The following CADPS2 variants were observed in gnomAD, a reference collection of about 807,000 sequenced individuals.
CADPS2 encodes the protein calcium-dependent secretion activator 2.
In CADPS2, 93 loss-of-function variants were observed where a neutral mutation model predicts 172.5. That is an observed-to-expected ratio of 0.54 (90% CI 0.46 to 0.64). The LOEUF (loss-of-function observed/expected upper bound fraction) is 0.64, where lower values mean the gene tolerates loss of function less well. Among genes scored for constraint, CADPS2 ranks in the 30% least tolerant of loss-of-function variants. The pLI is 0.00. For missense variants in CADPS2, 1,420 were observed against 1,565.9 expected, an observed-to-expected ratio of 0.91 and a Z score of 1.57; for synonymous variants, 546 against 555.2, an observed-to-expected ratio of 0.98 and a Z score of 0.23.
At chr7:122,858,316 A>T (rs1815906889) in intron 1 of CADPS2, among the ~76,000 whole-genome samples, 1 of 152,070 alleles carries the variant, frequency 6.6e-6, no homozygotes, top group Non-Finnish European at 1.5e-5. Context: ...ATACCCACAA[A>T]CTCTCGAATT....
chr7:122,635,493 T>C (rs1462934391), intron 3 of CADPS2, among the ~76,000 whole-genome samples: 4 of 146,756 alleles, frequency 2.7e-5, no homozygotes, highest in Admixed American at 6.8e-5. Context: ...CGTGTTCTCA[T>C]TGTTCAATTC....
chr7:122,626,187 T>C (rs775369039), intron 4 of CADPS2, among the ~76,000 whole-genome samples: 1 of 152,106 alleles, frequency 6.6e-6, no homozygotes, highest in Non-Finnish European at 1.5e-5. Flanking sequence ...TTTTCTTTTT[T>C]TCTCAGCAAC....
chr7:122,725,780 A>G (rs1479804237), intron 2 of CADPS2, among the ~76,000 whole-genome samples: 1 of 151,776 alleles, frequency 6.6e-6, no homozygotes, highest in Admixed American at 6.6e-5. Flanking sequence ...GGATACAGAG[A>G]GACACCATGG....
intron 3 of CADPS2, among the ~76,000 whole-genome samples, chr7:122,645,302 T>TATGTACATATATACACAC (rs1563946675): frequency 7.8e-6 from 1 of 128,098 alleles, no homozygotes; most frequent in African/African-American, 2.9e-5. Flanking sequence ...TATATACACA[T>TATGTACATATATACACAC]ATGTACATGT....
chr7:122,548,030 G>A (rs2063801745), intron 8 of CADPS2, among the ~76,000 whole-genome samples: 1 of 152,128 alleles, frequency 6.6e-6, no homozygotes, highest in Non-Finnish European at 1.5e-5. Context: ...CATGTAGACA[G>A]TAAGTATTGA....
intron 2 of CADPS2, among the ~76,000 whole-genome samples, chr7:122,683,947 G>C (rs1037881569): frequency 2.6e-5 from 4 of 152,058 alleles, no homozygotes; most frequent in African/African-American, 9.7e-5. Context: ...TGATGAGATG[G>C]CATCCTCTAC....
At chr7:122,541,766 T>A (rs1172311240) in intron 8 of CADPS2, among the ~76,000 whole-genome samples, 1 of 145,284 alleles carries the variant, frequency 6.9e-6, no homozygotes, top group Admixed American at 7.0e-5. Flanking sequence ...CATATATTTA[T>A]ATATTCACAT....
intron 3 of CADPS2, among the ~76,000 whole-genome samples, chr7:122,631,543 T>G (rs1271113711): frequency 1.3e-5 from 2 of 152,114 alleles, no homozygotes; most frequent in Non-Finnish European, 2.9e-5. Context: ...CCTTCCTAAG[T>G]GCTGGAATTA....
intron 2 of CADPS2, among the ~76,000 whole-genome samples, chr7:122,719,375 ACTAT>A (rs2090091964): frequency 6.7e-6 from 1 of 149,764 alleles, no homozygotes; most frequent in Non-Finnish European, 1.5e-5. Flanking sequence ...ACTTCCTCCG[ACTAT>A]CTGACTATCC....
chr7:122,323,609 T>C (rs1190646048), intron 29 of CADPS2, among the ~76,000 whole-genome samples: 1 of 151,842 alleles, frequency 6.6e-6, no homozygotes, highest in African/African-American at 2.4e-5. Flanking sequence ...ACTATAAAGA[T>C]GTGTGGAAAT....
chr7:122,358,690 C>T (rs910393810), intron 27 of CADPS2, among the ~76,000 whole-genome samples: 1 of 152,066 alleles, frequency 6.6e-6, no homozygotes, highest in Non-Finnish European at 1.5e-5. Context: ...GAGAGGCATA[C>T]TTGCTGGAGT....
intron 1 of CADPS2, among the ~76,000 whole-genome samples, chr7:122,865,457 C>T (rs1000576518): frequency 6.6e-6 from 1 of 152,188 alleles, no homozygotes; most frequent in African/African-American, 2.4e-5. Context: ...CAGCTACTGA[C>T]AGATTTTTGA....
chr7:122,651,933 C>T (rs2079192178), intron 3 of CADPS2, among the ~76,000 whole-genome samples: 1 of 152,128 alleles, frequency 6.6e-6, no homozygotes, highest in South Asian at 2.1e-4. Flanking sequence ...AAGGTGCTTA[C>T]CTACCTCTGT....
At chr7:122,531,352 C>A (rs1012225066) in intron 8 of CADPS2, among the ~76,000 whole-genome samples, 3 of 152,286 alleles carry the variant, frequency 2.0e-5, no homozygotes, top group African/African-American at 4.8e-5. Context: ...GAGGGGAACC[C>A]TCAGAATTCA....
At position 122,562,976 on chromosome 7, in the gene CADPS2, A is replaced by G. The variant is rs187845184; in HGVS notation, c.1336-8287T>C. ...ATTACTAACAAAGTTCAAGTTCCACACAACCTAACGATTAAGAATTATTTC... is the reference window on the plus strand; with the variant it reads ...ATTACTAACAAAGTTCAAGTTCCACGCAACCTAACGATTAAGAATTATTTC... On this transcript the variant is annotated intron_variant, in intron 7 of 29. Coordinates refer to ENST00000449022, the MANE Select transcript of CADPS2 (RefSeq NM_017954.11). Among the ~76,000 whole-genome samples, 4 of 152,320 alleles carry G rather than the reference A, an allele frequency of 2.6e-5. 1 individual carries two copies. In the East Asian group the frequency reaches 7.7e-4, roughly 29 times the overall value.
chr7:122,805,917 T>C (rs1174782749), intron 1 of CADPS2, among the ~76,000 whole-genome samples: 1 of 152,248 alleles, frequency 6.6e-6, no homozygotes, highest in African/African-American at 2.4e-5. Flanking sequence ...TAGCTCTTCA[T>C]GGATGTTTTA....
Position 122,880,354 on chromosome 7 carries a change from G to A in CADPS2, c.339+5645C>T, listed in dbSNP as rs1822553979. Among the ~76,000 whole-genome samples the A allele has an allele frequency of 2.6e-5, 4 of 152,168 alleles. No homozygotes were observed. In the South Asian group the frequency reaches 8.3e-4, roughly 31 times the overall value. On this transcript the variant is annotated intron_variant, in intron 1 of 29. Transcript: ENST00000449022. ...TTAAAAGCCTCCAGCATATCACCTA[G>A]ACACCTTTTATAAGTCTAAATAAAT...
intron 7 of CADPS2, among the ~76,000 whole-genome samples, chr7:122,577,295 A>C (rs2068176329): frequency 6.6e-6 from 1 of 152,118 alleles, no homozygotes; most frequent in African/African-American, 2.4e-5. Flanking sequence ...TACCACACAG[A>C]ACAGTTCCTT....
intron 25 of CADPS2, among the ~76,000 whole-genome samples, chr7:122,363,899 A>G (rs2040504955): frequency 6.6e-6 from 1 of 152,180 alleles, no homozygotes; most frequent in South Asian, 2.1e-4. Flanking sequence ...GGTCTAATTC[A>G]ATTAAATCTA....
Sources: gnomAD v4.1 joint callset for allele counts (sites outside exome capture counted in the v4.1 genomes callset) on GRCh38, gnomAD v4.1.1 for gene constraint, MANE v1.5 for transcripts, NCBI Gene and HGNC (gene_info 2026-07-23, HGNC 2026-07-21) for gene names.